The following ASPRV1 variants were observed in gnomAD, a reference collection of about 807,000 sequenced individuals.
ASPRV1 encodes the protein aspartic peptidase retroviral like 1, also known as retroviral-like aspartic protease 1.
Under a neutral mutation model 11.0 loss-of-function variants are expected in ASPRV1, and 7 were observed. The ratio of observed to expected loss-of-function variants is 0.64; its 90% CI spans 0.36 to 1.20. The LOEUF is 1.20. ASPRV1 is among the 50% of genes most tolerant of loss of function. ASPRV1 has a pLI of 0.02. For synonymous variants in ASPRV1, 136 were observed against 138.4 expected (o/e 0.98, Z 0.12); for missense variants, 299 against 320.0 (o/e 0.93, Z 0.50).
At chr2:69,963,108 GC>G, upstream of ASPRV1, 2 of 373,978 alleles carry the variant, frequency 5.3e-6, no homozygotes, top group Non-Finnish European at 1.1e-5. Context: ...CCTCTGGATG[GC>G]CCAGGTCCCC....
At chr2:70,013,355 C>T in the ASPRV1 span, among the ~76,000 whole-genome samples, 1 of 152,258 alleles carries the variant, frequency 6.6e-6, no homozygotes, top group East Asian at 1.9e-4. Flanking sequence ...AGAAGAGTAT[C>T]CACCATGATC....
At chr2:70,070,179 C>CAAAAAA in the ASPRV1 span, 24 of 47,108 alleles carry the variant, frequency 5.1e-4, no homozygotes, top group Admixed American at 1.3e-3. Context: ...GACTCCATCT[C>CAAAAAA]AAAAAAAAAA....
chr2:70,036,863 T>C, the ASPRV1 span, among the ~76,000 whole-genome samples: 1 of 152,096 alleles, frequency 6.6e-6, no homozygotes, highest in African/African-American at 2.4e-5. Context: ...GTTGTGGCTG[T>C]TGTTTATGAT....
the ASPRV1 span, among the ~76,000 whole-genome samples, chr2:70,004,898 T>A: frequency 2.6e-5 from 4 of 152,118 alleles, no homozygotes; most frequent in African/African-American, 9.7e-5. Flanking sequence ...CTGCCTTTTG[T>A]CTATTTTGTT....
At chr2:69,954,627 AG>A in the ASPRV1 span, among the ~76,000 whole-genome samples, 5 of 152,202 alleles carry the variant, frequency 3.3e-5, no homozygotes, top group African/African-American at 4.8e-5. Flanking sequence ...CAACACCAGC[AG>A]GCTTGTCCTT....
At chr2:70,073,566 T>C in the ASPRV1 span, among the ~76,000 whole-genome samples, 297 of 152,270 alleles carry the variant, frequency 2.0e-3, 1 homozygote, top group African/African-American at 7.0e-3. Flanking sequence ...TAAAACAGTG[T>C]CTGACACATG....
At chr2:70,007,518 CA>C in the ASPRV1 span, among the ~76,000 whole-genome samples, 194 of 130,334 alleles carry the variant, frequency 1.5e-3, 1 homozygote, top group African/African-American at 3.1e-3. Context: ...AACCCTGCCT[CA>C]AAAAAAAAAA....
At chr2:70,005,919 A>G in the ASPRV1 span, among the ~76,000 whole-genome samples, 1 of 152,338 alleles carries the variant, frequency 6.6e-6, no homozygotes, top group South Asian at 2.1e-4. Context: ...CTCAGGAGCC[A>G]TGGGGGAGAG....
chr2:69,978,497 G>C, the ASPRV1 span, among the ~76,000 whole-genome samples: 1 of 152,200 alleles, frequency 6.6e-6, no homozygotes, highest in Non-Finnish European at 1.5e-5. Flanking sequence ...CCATCAAGCA[G>C]TTATGCGGAT....
At chr2:69,964,750 T>TG (rs982838183), upstream of ASPRV1, 1 of 153,304 alleles carries the variant, frequency 6.5e-6, no homozygotes, top group Non-Finnish European at 1.5e-5. Context: ...CAGGAAGGAG[T>TG]GGGGCTCCCT....
At chr2:70,057,045 C>T in the ASPRV1 span, among the ~76,000 whole-genome samples, 5 of 151,434 alleles carry the variant, frequency 3.3e-5, no homozygotes, top group Non-Finnish European at 5.9e-5. Context: ...CTCACAACTA[C>T]TCTTTTTAAA....
chr2:69,936,184 T>G, the ASPRV1 span, among the ~76,000 whole-genome samples: 81,762 of 151,852 alleles, frequency 0.54, 24,080 homozygotes, highest in African/African-American at 0.79. Context: ...CTAGCTCTGA[T>G]AATCCTTCGC....
the ASPRV1 span, among the ~76,000 whole-genome samples, chr2:69,946,163 G>A: frequency 2.0e-5 from 3 of 152,202 alleles, no homozygotes; most frequent in South Asian, 2.1e-4. Flanking sequence ...GCCTTGCCAC[G>A]CTGATACTGT....
the ASPRV1 span, among the ~76,000 whole-genome samples, chr2:70,013,758 G>C: frequency 6.6e-6 from 1 of 152,162 alleles, no homozygotes; most frequent in African/African-American, 2.4e-5. Context: ...GTGAGCACCT[G>C]TAATCCCAGC....
the ASPRV1 span, among the ~76,000 whole-genome samples, chr2:70,009,298 T>C: frequency 6.9e-6 from 1 of 145,574 alleles, no homozygotes; most frequent in African/African-American, 2.6e-5. Flanking sequence ...GCACTGCTTA[T>C]ATAATTTATT....
chr2:69,990,511 T>G, the ASPRV1 span, among the ~76,000 whole-genome samples: 1 of 152,066 alleles, frequency 6.6e-6, no homozygotes, highest in East Asian at 1.9e-4. Context: ...AGGGTCTCAC[T>G]CTGCGGCCCA....
At chr2:70,082,672 TG>T in the ASPRV1 span, among the ~76,000 whole-genome samples, 1 of 152,186 alleles carries the variant, frequency 6.6e-6, no homozygotes, top group Non-Finnish European at 1.5e-5. Flanking sequence ...ATCGCGCCAC[TG>T]CACTCCATCC....
chr2:70,013,898 A>G, the ASPRV1 span, among the ~76,000 whole-genome samples: 3 of 152,314 alleles, frequency 2.0e-5, 1 homozygote, highest in South Asian at 4.1e-4. Flanking sequence ...ACAAACAAAC[A>G]AACAAAAAAA....
At chr2:70,047,988 A>T in the ASPRV1 span, among the ~76,000 whole-genome samples, 1 of 151,640 alleles carries the variant, frequency 6.6e-6, no homozygotes, top group East Asian at 1.9e-4. Flanking sequence ...GTGTGCCTGT[A>T]ATCCCAGCTA....
Sources: allele counts gnomAD v4.1 joint callset (sites outside exome capture counted in the v4.1 genomes callset), GRCh38; gene constraint gnomAD v4.1.1; transcripts MANE v1.5; gene names NCBI Gene and HGNC (gene_info 2026-07-23, HGNC 2026-07-21).